Variants in STK39 observed in about 807,000 individuals in gnomAD.
STK39 encodes serine/threonine kinase 39, also known as STE20/SPS1-related proline-alanine-rich protein kinase.
Under a neutral mutation model 77.8 loss-of-function variants are expected in STK39, and 20 were observed. That is an observed-to-expected ratio of 0.26 (90% CI 0.18 to 0.37). The LOEUF (loss-of-function observed/expected upper bound fraction) is 0.37, where lower values mean the gene tolerates loss of function less well. Ranked by LOEUF, STK39 falls within the 10% of genes least tolerant of loss-of-function variation. The pLI is 1.00. For synonymous variants in STK39, 246 were observed against 234.1 expected (o/e 1.05, Z -0.47); for missense variants, 479 against 656.5 (o/e 0.73, Z 2.95).
At chr2:168,214,250 C>CAA (rs1428498386) in intron 1 of STK39, among the ~76,000 whole-genome samples, 6 of 9,608 alleles carry the variant, frequency 6.2e-4, no homozygotes, top group African/African-American at 9.5e-4. Flanking sequence ...ATAACAACAA[C>CAA]AACAACAAAA....
intron 1 of STK39, among the ~76,000 whole-genome samples, chr2:168,214,106 C>T (rs560357506): frequency 6.6e-6 from 1 of 152,242 alleles, no homozygotes; most frequent in African/African-American, 2.4e-5. Context: ...CTGCCCACCT[C>T]CACATCCTAA....
At chr2:168,237,042 G>A (rs1415373897) in intron 1 of STK39, among the ~76,000 whole-genome samples, 1 of 152,152 alleles carries the variant, frequency 6.6e-6, no homozygotes, top group Middle Eastern at 3.4e-3. Flanking sequence ...TGGGCAGTAT[G>A]GCCATTTTCA....
chr2:168,169,942 T>C (rs1366259065), intron 2 of STK39, among the ~76,000 whole-genome samples: 4 of 116,784 alleles, frequency 3.4e-5, no homozygotes, highest in South Asian at 2.8e-4. Context: ...TCTTCACTTC[T>C]TGGCTAGGGG....
intron 10 of STK39, among the ~76,000 whole-genome samples, chr2:168,106,385 A>G (rs1047549973): frequency 6.6e-6 from 1 of 152,204 alleles, no homozygotes; most frequent in Non-Finnish European, 1.5e-5. Flanking sequence ...TTTAAACTTA[A>G]TAATTATTGT....
intron 1 of STK39, among the ~76,000 whole-genome samples, chr2:168,186,544 T>C (rs1355335066): frequency 1.3e-5 from 2 of 152,200 alleles, no homozygotes; most frequent in Admixed American, 6.5e-5. Flanking sequence ...AGTAGGAGCC[T>C]TGAAAAGAAG....
intron 14 of STK39, among the ~76,000 whole-genome samples, chr2:168,046,115 C>T (rs1266914811): frequency 1.3e-5 from 2 of 152,198 alleles, no homozygotes; most frequent in Non-Finnish European, 2.9e-5. Context: ...CACCTGTAAT[C>T]CCAGCACTTT....
At chr2:168,174,621 A>T (rs1308368696) in intron 2 of STK39, among the ~76,000 whole-genome samples, 2 of 152,074 alleles carry the variant, frequency 1.3e-5, no homozygotes, top group African/African-American at 4.8e-5. Flanking sequence ...TCAGACTCAC[A>T]CTCAGGTATG....
chr2:168,010,267 C>G (rs1037595210), intron 16 of STK39, among the ~76,000 whole-genome samples: 1 of 146,116 alleles, frequency 6.8e-6, no homozygotes, highest in African/African-American at 2.7e-5. Context: ...TTTGCAGGGT[C>G]TCCTGATCTA....
chr2:168,234,576 TCCTCCACCTTACTTTACAACACACACCCA>T (rs910410368), intron 1 of STK39, among the ~76,000 whole-genome samples: 1 of 152,106 alleles, frequency 6.6e-6, no homozygotes, highest in Non-Finnish European at 1.5e-5. Flanking sequence ...AACTTCCTGT[TCCTCCACCTTACTTTACAACACACACCCA>T]CCTCCACCTC....
In STK39 at chr2:167,955,476, G is replaced by C. The variant is rs200665944; in HGVS notation, c.*20C>G. On this transcript the variant is annotated 3_prime_UTR_variant, in exon 18 of 18. Transcript: ENST00000355999. ...TGGCGGTGGGGCATGACAGATCAGG[G>C]TGACATCAAGGGACATACATCAGCT... is the stretch of plus-strand genomic sequence containing the variant. The C allele has an allele frequency of 1.7e-4, 273 of 1,610,908 alleles. No individual in the cohort carries two copies. In the African/African-American group the frequency reaches 3.1e-3, roughly 18 times the overall value.
intron 1 of STK39, among the ~76,000 whole-genome samples, chr2:168,223,717 A>G (rs1488258032): frequency 6.6e-6 from 1 of 151,986 alleles, no homozygotes; most frequent in East Asian, 1.9e-4. Context: ...CCTGATTTGT[A>G]AAACTGAGAT....
At chr2:168,119,883 G>A (rs1279774326) in intron 10 of STK39, among the ~76,000 whole-genome samples, 2 of 152,036 alleles carry the variant, frequency 1.3e-5, no homozygotes, top group African/African-American at 4.8e-5. Flanking sequence ...CCTCTTTATC[G>A]ACTAAAAGAA....
intron 16 of STK39, among the ~76,000 whole-genome samples, chr2:167,970,965 T>C (rs1402220515): frequency 6.6e-6 from 1 of 152,204 alleles, no homozygotes; most frequent in Non-Finnish European, 1.5e-5. Context: ...GCTGCCCAAT[T>C]TGTGAATCAT....
chr2:168,018,598 G>GAAAGAAAGAAAT (rs1342198688), intron 14 of STK39, among the ~76,000 whole-genome samples: 5 of 149,162 alleles, frequency 3.4e-5, no homozygotes, highest in Non-Finnish European at 4.5e-5. Context: ...AAGAAAGAAA[G>GAAAGAAAGAAAT]AAATTGCAGT....
chr2:168,151,626 C>A lies in STK39; in HGVS notation c.628+10161G>T, dbSNP rs534030917. On this transcript the variant is annotated intron_variant, in intron 5 of 17. Coordinates refer to ENST00000355999, the MANE Select transcript of STK39 (RefSeq NM_013233.3). ...TGGTGGCACGTGCCTATAGTCCCAG[C>A]TACTCGTGAGGCTGACGCAGGAGAA... 2.4e-3 allele frequency among the ~76,000 whole-genome samples: 369 copies of A among 151,840 alleles called. 4 individuals carry two copies. Among genetic ancestry groups the A allele is most frequent in the African/African-American group, 8.6e-3 (357 of 41,370 alleles).
chr2:167,988,287 A>AT (rs1032957291), intron 16 of STK39, among the ~76,000 whole-genome samples: 6 of 152,194 alleles, frequency 3.9e-5, no homozygotes, highest in South Asian at 2.1e-4. Flanking sequence ...GTAAAAGCTG[A>AT]TTTTTTTCCT....
intron 16 of STK39, among the ~76,000 whole-genome samples, chr2:168,004,997 C>CTTTTT (rs10563812): frequency 3.9e-5 from 3 of 77,542 alleles, no homozygotes; most frequent in Non-Finnish European, 7.0e-5. Flanking sequence ...AGAAGGCCCT[C>CTTTTT]TTTTTTTTTT....
intron 2 of STK39, among the ~76,000 whole-genome samples, chr2:168,170,818 C>A (rs1688805315): frequency 6.6e-6 from 1 of 152,066 alleles, no homozygotes; most frequent in Non-Finnish European, 1.5e-5. Flanking sequence ...GGGTAAGAAG[C>A]AAAGCTGGAA....
chr2:168,215,165 A>C (rs1344073830), intron 1 of STK39, among the ~76,000 whole-genome samples: 1 of 152,136 alleles, frequency 6.6e-6, no homozygotes, highest in East Asian at 1.9e-4. Context: ...AATAAGTTTA[A>C]ATTGTAGAGT....
Sources: gnomAD v4.1 joint callset for allele counts (sites outside exome capture counted in the v4.1 genomes callset) on GRCh38, gnomAD v4.1.1 for gene constraint, MANE v1.5 for transcripts, NCBI Gene and HGNC (gene_info 2026-07-23, HGNC 2026-07-21) for gene names.